The following URM1 variants were observed in gnomAD, a reference collection of about 807,000 sequenced individuals.
URM1 encodes ubiquitin-related modifier 1.
A neutral mutation model predicts 17.7 loss-of-function variants in URM1; 11 were observed. The ratio of observed to expected loss-of-function variants is 0.62; its 90% CI spans 0.39 to 1.03. The LOEUF is 1.03. URM1 is among the 50% of genes least tolerant of loss of function. The pLI, the probability that URM1 is intolerant of heterozygous loss-of-function variation, is 0.00. For synonymous variants in URM1, 48 were observed against 50.6 expected (o/e 0.95, Z 0.22); for missense variants, 128 against 129.2 (o/e 0.99, Z 0.04).
chr9:128,389,406 G>A (rs376881606), intron 4 of URM1, 97 bp downstream of exon 4: 27 of 1,609,928 alleles, frequency 1.7e-5, no homozygotes, highest in Non-Finnish European at 2.3e-5. Context: ...AGAGTGGCTG[G>A]GTAATCCTCC....
chr9:128,383,687 C>G (rs970886345), intron 2 of URM1, among the ~76,000 whole-genome samples: 1 of 152,136 alleles, frequency 6.6e-6, no homozygotes, highest in Non-Finnish European at 1.5e-5. Flanking sequence ...GACCTCCTGT[C>G]CCTGGAGGTG....
chr9:128,389,202 C>G, intron 3 of URM1, 59 bp from the exon 4 acceptor site: 1 of 1,543,944 alleles, frequency 6.5e-7, no homozygotes, highest in Non-Finnish European at 8.7e-7. Context: ...GCCTCTCTTC[C>G]TCTGTGCTAC....
Position 128,387,746 on chromosome 9 carries a change from G to T in URM1, c.107-70G>T. ...ACCGTGTGTATTTCCTTGTGGGCCAGGCAAGGCTCTGGGGGTGGGCAGGTG... is the reference window on the plus strand; with the variant it reads ...ACCGTGTGTATTTCCTTGTGGGCCATGCAAGGCTCTGGGGGTGGGCAGGTG... On this transcript the variant is annotated intron_variant, in intron 2 of 4. Coordinates refer to ENST00000372853, the MANE Select transcript of URM1 (RefSeq NM_030914.4). The surrounding 1 kb of genome is among the most constrained non-coding windows in gnomAD (Gnocchi z 4.3). The T allele has an allele frequency of 1.2e-5, 19 of 1,607,618 alleles. No individual in the cohort carries two copies. The highest frequency in any genetic ancestry group is 1.6e-5 in the Non-Finnish European group (19 of 1,175,880).
At chr9:128,377,898 C>T (rs1202109011) in intron 1 of URM1, 138 bp from the exon 2 acceptor site, 1 of 783,674 alleles carries the variant, frequency 1.3e-6, no homozygotes, top group Non-Finnish European at 2.1e-6. Context: ...AGTCACTGCA[C>T]CCAAGGTGTT....
chr9:128,380,134 G>A lies in URM1; in HGVS notation c.106+2028G>A, dbSNP rs569952954. On this transcript the variant is annotated intron_variant, in intron 2 of 4. Coordinates refer to ENST00000372853, the MANE Select transcript of URM1 (RefSeq NM_030914.4). ...CTCAAAAGAAAAAAAAAATACATAA[G>A]CAGAATATGTATGGGGAGAAAAAAA... 4.6e-5 allele frequency among the ~76,000 whole-genome samples: 7 copies of A among 152,154 alleles called. No homozygotes were observed. The South Asian group carries it at 1.2e-3, about 27-fold the overall frequency.
chr9:128,380,504 C>T (rs1003744266), intron 2 of URM1, among the ~76,000 whole-genome samples: 3 of 152,172 alleles, frequency 2.0e-5, no homozygotes, highest in African/African-American at 7.2e-5. Context: ...ACATGGTGCT[C>T]TCAGAAGAAG....
rs550150553 is a variant in URM1 at position 128,390,787 on chromosome 9, G to A, written c.*1053G>A. 1.4e-4 allele frequency: 21 copies of A among 152,630 alleles called. No individual in the cohort carries two copies. Among genetic ancestry groups the A allele is most frequent in the African/African-American group, 4.8e-4 (20 of 41,562 alleles). The allele number at this position is 152,630 out of a possible 1,614,324, so 9.5% of individuals were successfully genotyped here. A position where few individuals can be genotyped will look rare whatever the true frequency, so the allele number is the denominator to read the frequency against. On this transcript the variant is annotated 3_prime_UTR_variant, in exon 5 of 5. Transcript: ENST00000372853. ...ACGGGTGGCACCTCATATCCCCCCA[G>A]CCGTGGTCTGTGATACAACCTCTCC...
rs370371883 is a variant in URM1, at chr9:128,390,979, G to A, written c.*1245G>A. 6.6e-6 allele frequency: 1 copy of A among 152,444 alleles called. No homozygotes were observed. Among genetic ancestry groups the A allele is most frequent in the Non-Finnish European group, 1.5e-5 (1 of 68,224 alleles). The allele number at this position is 152,444 out of a possible 1,614,324, so 9.4% of individuals were successfully genotyped here. ...TCCCGGGACGCATCCCCACCCGTCT[G>A]TCCAAGGCTTTGTCCCACCAGCTGC... On this transcript the variant is annotated 3_prime_UTR_variant, in exon 5 of 5. Coordinates refer to ENST00000372853, the MANE Select transcript of URM1 (RefSeq NM_030914.4).
intron 2 of URM1, among the ~76,000 whole-genome samples, chr9:128,384,095 C>T (rs954082838): frequency 1.3e-5 from 2 of 152,164 alleles, no homozygotes; most frequent in African/African-American, 4.8e-5. Context: ...GATTATTATC[C>T]CTGCTTGTCA....
At chr9:128,389,554 A>G (rs1365979127) in intron 4 of URM1, 112 bp from the exon 5 acceptor site, 55 of 1,557,944 alleles carry the variant, frequency 3.5e-5, no homozygotes, top group Non-Finnish European at 4.7e-5. Context: ...TTTTTCTGGT[A>G]GAGTCTGTCT....
chr9:128,381,411 C>T (rs551912600), intron 2 of URM1, among the ~76,000 whole-genome samples: 21 of 152,222 alleles, frequency 1.4e-4, no homozygotes, highest in African/African-American at 4.8e-4. Context: ...AGGTAACATA[C>T]CAAGGCCAGG....
At chr9:128,378,014 T>C (rs1192865908) in intron 1 of URM1, 22 bp from the exon 2 acceptor site, 1 of 1,610,506 alleles carries the variant, frequency 6.2e-7, no homozygotes, top group East Asian at 2.2e-5. Context: ...TGGCTGTCTT[T>C]TTCTCTGGTC....
rs191913985 is a variant in URM1, at chr9:128,387,993, G to T, written c.188+96G>T. On this transcript the variant is annotated intron_variant, in intron 3 of 4. Transcript: ENST00000372853. This position sits in a 1 kb window ranked among gnomAD's most constrained non-coding sequence, Gnocchi z 4.3. ...TTCAGTCCTGGCCTTCTCTGAATCC[G>T]GTTCTCCCCTTCCTCCTCCCTAACT... The T allele has an allele frequency of 3.7e-5, 56 of 1,524,464 alleles. No homozygotes were observed. Among genetic ancestry groups the T allele is most frequent in the Non-Finnish European group, 4.9e-5 (55 of 1,132,468 alleles). The allele number at this position is 1,524,464 out of a possible 1,614,324, so 94.4% of individuals were successfully genotyped here.
intron 3 of URM1, 163 bp from the exon 4 acceptor site, chr9:128,389,098 C>A: frequency 7.0e-7 from 1 of 1,430,976 alleles, no homozygotes; most frequent in South Asian, 1.6e-5. Flanking sequence ...TGGTTTCCTT[C>A]ACACTCAGAC....
intron 1 of URM1, among the ~76,000 whole-genome samples, chr9:128,374,223 C>T (rs565502321): frequency 3.9e-5 from 6 of 152,324 alleles, no homozygotes; most frequent in Admixed American, 1.3e-4. Context: ...ATGCCAACCC[C>T]TCCCTTGAGG....
rs77352020 is a variant in URM1, at chr9:128,386,154, G to A, written c.107-1662G>A. On this transcript the variant is annotated intron_variant, in intron 2 of 4. Transcript: ENST00000372853. ...CAGGCACTGCCCAGACCTTCTCGCCGCCTCCACACACACAGGCACACCCCC... is the reference window on the plus strand; with the variant it reads ...CAGGCACTGCCCAGACCTTCTCGCCACCTCCACACACACAGGCACACCCCC... Among the ~76,000 whole-genome samples, 376 of 152,280 alleles carry A rather than the reference G, an allele frequency of 2.5e-3. 3 individuals carry two copies. The highest frequency in any genetic ancestry group is 8.3e-3 in the African/African-American group (345 of 41,560).
chr9:128,377,086 C>T (rs914508280), intron 1 of URM1, among the ~76,000 whole-genome samples: 1 of 152,322 alleles, frequency 6.6e-6, no homozygotes, highest in African/African-American at 2.4e-5. Flanking sequence ...CACTGAGGCT[C>T]ATCTCAAACT....
chr9:128,379,295 C>T (rs1588581292), intron 2 of URM1, among the ~76,000 whole-genome samples: 1 of 149,470 alleles, frequency 6.7e-6, no homozygotes, highest in East Asian at 2.0e-4. Context: ...TCCTGATCAA[C>T]ATGATGAAAC....
rs781651792 is a variant in URM1 at position 128,373,906 on chromosome 9, A to C, written c.35+2491A>C. Among the ~76,000 whole-genome samples the C allele has an allele frequency of 3.9e-5, 6 of 152,220 alleles. No individual in the cohort carries two copies. The East Asian group carries it at 1.2e-3, about 29-fold the overall frequency. On this transcript the variant is annotated intron_variant, in intron 1 of 4. Transcript: ENST00000372853. Reference sequence around the variant, plus strand: ...GAGAGGAAGTAAATAAACAAAATATATATATACGTGTATATGTATGTGTAT... The same window carrying C: ...GAGAGGAAGTAAATAAACAAAATATCTATATACGTGTATATGTATGTGTAT...
Sources: allele counts gnomAD v4.1 joint callset (sites outside exome capture counted in the v4.1 genomes callset), GRCh38; gene constraint gnomAD v4.1.1; non-coding constraint Gnocchi (gnomAD v3.1); transcripts MANE v1.5; gene names NCBI Gene and HGNC (gene_info 2026-07-23, HGNC 2026-07-21).